Variants in DPP6 observed in about 807,000 individuals in gnomAD.
DPP6 encodes dipeptidyl peptidase like 6, also known as A-type potassium channel modulatory protein DPP6.
DPP6 carries 69 observed loss-of-function variants against 122.6 expected under a neutral mutation model. The ratio of observed to expected loss-of-function variants is 0.56; its 90% confidence interval spans 0.46 to 0.69. The LOEUF is 0.69. Ranked by LOEUF, DPP6 falls within the 30% of genes least tolerant of loss-of-function variation. The pLI, the probability that DPP6 is intolerant of heterozygous loss-of-function variation, is 0.00. For synonymous variants in DPP6, 418 were observed against 433.1 expected (o/e 0.97, Z 0.43); for missense variants, 928 against 1,116.9 (o/e 0.83, Z 2.41).
chr7:154,274,497 G>A (rs1803999435), intron 1 of DPP6, among the ~76,000 whole-genome samples: 1 of 152,130 alleles, frequency 6.6e-6, no homozygotes, highest in South Asian at 2.1e-4. Flanking sequence ...CACTGACCAC[G>A]CTAACACGCT....
At chr7:153,877,110 C>T in the DPP6 span, among the ~76,000 whole-genome samples, 3 of 151,960 alleles carry the variant, frequency 2.0e-5, no homozygotes, top group East Asian at 5.8e-4. Flanking sequence ...TTTGTAAAAA[C>T]AAAAACTAAA....
At chr7:154,838,438 G>A (rs1801256739) in intron 16 of DPP6, 1 of 152,238 alleles carries the variant, frequency 6.6e-6, no homozygotes, top group Admixed American at 6.5e-5. Context: ...TTAAAGAAAT[G>A]TGGGGCCAAA....
chr7:154,626,367 A>G (rs545075990), intron 5 of DPP6, among the ~76,000 whole-genome samples: 6 of 152,328 alleles, frequency 3.9e-5, no homozygotes, highest in Admixed American at 3.3e-4. Flanking sequence ...TTTATTGTTC[A>G]TCTCCTAAAT....
At chr7:153,784,365 A>G in the DPP6 span, among the ~76,000 whole-genome samples, 1 of 152,256 alleles carries the variant, frequency 6.6e-6, no homozygotes, top group Non-Finnish European at 1.5e-5. Context: ...AAAATGATAA[A>G]GAATATTATT....
intron 1 of DPP6, among the ~76,000 whole-genome samples, chr7:153,992,985 C>G (rs1203975885): frequency 1.3e-5 from 2 of 151,990 alleles, no homozygotes; most frequent in East Asian, 1.9e-4. Flanking sequence ...TCTCCCCCTA[C>G]CTCCTCCTTC....
chr7:154,367,131 G>A (rs551448871), intron 1 of DPP6, among the ~76,000 whole-genome samples: 54 of 152,288 alleles, frequency 3.5e-4, no homozygotes, highest in Non-Finnish European at 3.4e-4. Flanking sequence ...ATCAATAATT[G>A]TTTCCAAATA....
intron 1 of DPP6, among the ~76,000 whole-genome samples, chr7:154,195,222 GAA>G (rs1798805797): frequency 6.6e-6 from 1 of 152,038 alleles, no homozygotes; most frequent in Admixed American, 6.5e-5. Context: ...ACCATTTCTC[GAA>G]AAGACGATCC....
intron 17 of DPP6, among the ~76,000 whole-genome samples, chr7:154,859,634 G>A (rs1197033069): frequency 3.3e-5 from 5 of 152,170 alleles, no homozygotes; most frequent in African/African-American, 9.7e-5. Flanking sequence ...AGCCTGCGGG[G>A]TGTTCACAGA....
the DPP6 span, among the ~76,000 whole-genome samples, chr7:153,825,317 C>G: frequency 6.6e-6 from 1 of 152,130 alleles, no homozygotes; most frequent in African/African-American, 2.4e-5. Context: ...TCCAAAGGCT[C>G]TACCGTAGAT....
chr7:154,726,728 G>A (rs923941944), intron 7 of DPP6, among the ~76,000 whole-genome samples: 2 of 152,186 alleles, frequency 1.3e-5, no homozygotes, highest in Non-Finnish European at 2.9e-5. Context: ...TTCCTCCCTA[G>A]AAAGTGAGTT....
At chr7:154,316,847 C>T (rs998885975) in intron 1 of DPP6, among the ~76,000 whole-genome samples, 9 of 152,152 alleles carry the variant, frequency 5.9e-5, no homozygotes, top group South Asian at 4.1e-4. Context: ...GATTGTGGTA[C>T]GGGAGAAGGA....
chr7:154,688,746 A>G (rs1586893442), intron 7 of DPP6, among the ~76,000 whole-genome samples: 1 of 152,132 alleles, frequency 6.6e-6, no homozygotes, highest in East Asian at 1.9e-4. Context: ...CTGGAAGCTG[A>G]TTAGATTGTG....
At position 154,338,421 on chromosome 7, in the gene DPP6, G is replaced by A. The variant is rs140062661; in HGVS notation, c.244-107793G>A. 9.5e-3 allele frequency among the ~76,000 whole-genome samples: 1,453 copies of A among 152,208 alleles called. 10 individuals carry two copies. The highest frequency in any genetic ancestry group is 0.015 in the Non-Finnish European group (1,032 of 68,024). On this transcript the variant is annotated intron_variant, in intron 1 of 25. Transcript: ENST00000377770. ...TCTCAGGAAAACCTAATAGTAACTC[G>A]TGATCCAGGGACATATAAAACTGGA...
At chr7:153,779,092 C>T in the DPP6 span, among the ~76,000 whole-genome samples, 1 of 147,560 alleles carries the variant, frequency 6.8e-6, no homozygotes, top group African/African-American at 2.7e-5. Flanking sequence ...AAGCTATGAA[C>T]TCTATTATTT....
At chr7:153,887,331 C>A (rs946127432) in exon 1 of DPP6, 3 of 185,720 alleles carry the variant, frequency 1.6e-5, no homozygotes, top group African/African-American at 7.0e-5. Flanking sequence ...GGTGGACACG[C>A]GCGCAGTCAG....
chr7:154,481,367 G>GTGTC lies in DPP6; in HGVS notation c.457+6333_457+6334insCTGT, dbSNP rs1823274976. 6.6e-6 allele frequency among the ~76,000 whole-genome samples: 1 copy of GTGTC among 151,668 alleles called. No individual in the cohort carries two copies. The highest frequency in any genetic ancestry group is 2.4e-5 in the African/African-American group (1 of 41,222). The stretch of plus-strand genomic sequence containing the variant: ...GAGGGGTGTGTGTGTGTGTGTGTGT[G>GTGTC]TGTGTGTCTGTGTGTGTGTGCATGT... On this transcript the variant is annotated intron_variant, in intron 3 of 25. Coordinates refer to ENST00000377770, the MANE Select transcript of DPP6 (RefSeq NM_130797.4). The surrounding 1 kb of genome is among the most constrained non-coding windows in gnomAD (Gnocchi z 4.2).
chr7:154,756,452 T>C (rs1843675267), intron 8 of DPP6, among the ~76,000 whole-genome samples: 3 of 152,154 alleles, frequency 2.0e-5, no homozygotes, highest in Admixed American at 1.3e-4. Context: ...TAATAGTTAA[T>C]AGAGCTCTCA....
At chr7:154,691,543 C>T (rs1013403949) in intron 7 of DPP6, among the ~76,000 whole-genome samples, 3 of 152,166 alleles carry the variant, frequency 2.0e-5, no homozygotes, top group South Asian at 2.1e-4. Context: ...AGCAGCCGGG[C>T]GCGGTGGCTC....
intron 8 of DPP6, among the ~76,000 whole-genome samples, chr7:154,756,309 G>T (rs903486767): frequency 2.6e-5 from 4 of 152,158 alleles, no homozygotes; most frequent in African/African-American, 9.7e-5. Context: ...TTCCCTTGCG[G>T]CTTCCTCTGC....
Sources: gnomAD v4.1 joint callset for allele counts (sites outside exome capture counted in the v4.1 genomes callset) on GRCh38, gnomAD v4.1.1 for gene constraint, Gnocchi (gnomAD v3.1) non-coding constraint, MANE v1.5 for transcripts, NCBI Gene and HGNC (gene_info 2026-07-23, HGNC 2026-07-21) for gene names.